MIPOL1: variants seen among roughly 807,000 people sequenced by gnomAD.
MIPOL1 encodes the protein mirror-image polydactyly gene 1 protein.
A neutral mutation model predicts 60.9 loss-of-function variants in MIPOL1; 57 were observed. The observed-to-expected ratio is 0.94, with a 90% confidence interval of 0.76 to 1.17. The LOEUF (loss-of-function observed/expected upper bound fraction) is 1.17. Ranked by LOEUF, MIPOL1 falls within the 50% of genes most tolerant of loss-of-function variation. The pLI, the probability that MIPOL1 is intolerant of heterozygous loss-of-function variation, is 0.00. For missense variants in MIPOL1, 551 were observed against 511.6 expected (o/e 1.08, Z -0.74); for synonymous variants, 179 against 168.8 (o/e 1.06, Z -0.47).
chr14:37,522,855 T>C (rs969893260), intron 12 of MIPOL1, among the ~76,000 whole-genome samples: 3 of 152,118 alleles, frequency 2.0e-5, no homozygotes, highest in Admixed American at 6.5e-5. Context: ...CAAGTAGTTA[T>C]TCTGGAGAGC....
intron 7 of MIPOL1, among the ~76,000 whole-genome samples, chr14:37,302,141 G>A (rs12894068): frequency 0.3 from 44,338 of 147,050 alleles, 6,920 homozygotes; most frequent in East Asian, 0.47. Context: ...TGAATCATAA[G>A]TTAAATCTAT....
intron 7 of MIPOL1, among the ~76,000 whole-genome samples, chr14:37,293,616 T>A (rs992563123): frequency 4.6e-5 from 7 of 152,072 alleles, no homozygotes; most frequent in Non-Finnish European, 1.0e-4. Context: ...ACCCTAATAC[T>A]ACGCTTTTCC....
chr14:37,528,158 G>A (rs2095458925), intron 12 of MIPOL1, among the ~76,000 whole-genome samples: 1 of 151,864 alleles, frequency 6.6e-6, no homozygotes, highest in Non-Finnish European at 1.5e-5. Context: ...TTTAGAAAAA[G>A]TTTAAAATAT....
chr14:37,264,714 G>A (rs867697757), intron 3 of MIPOL1, among the ~76,000 whole-genome samples: 107 of 152,140 alleles, frequency 7.0e-4, no homozygotes, highest in African/African-American at 2.5e-3. Context: ...TCTAGGTAAA[G>A]GGCATACAGT....
At chr14:37,206,286 C>T (rs1217374696) in intron 1 of MIPOL1, among the ~76,000 whole-genome samples, 1 of 152,214 alleles carries the variant, frequency 6.6e-6, no homozygotes, top group Non-Finnish European at 1.5e-5. Context: ...ATGTAGAGCT[C>T]AGGCCATGGC....
chr14:37,266,629 T>G (rs2082893801), intron 3 of MIPOL1, among the ~76,000 whole-genome samples: 1 of 152,162 alleles, frequency 6.6e-6, no homozygotes, highest in Non-Finnish European at 1.5e-5. Context: ...GTTTATGAAG[T>G]GCCATATTTC....
At chr14:37,209,528 C>T (rs1027794702) in intron 1 of MIPOL1, among the ~76,000 whole-genome samples, 3 of 152,006 alleles carry the variant, frequency 2.0e-5, no homozygotes, top group Non-Finnish European at 4.4e-5. Flanking sequence ...GGCATGGTGG[C>T]GCTCGCCTGT....
intron 2 of MIPOL1, 21 bp from the exon 3 acceptor site, chr14:37,247,808 C>T: frequency 7.1e-7 from 1 of 1,401,262 alleles, no homozygotes; most frequent in Non-Finnish European, 1.0e-6. Context: ...GTTTATTTAT[C>T]TAGAGTTGGC....
At chr14:37,424,124 G>A (rs2093922008) in intron 11 of MIPOL1, among the ~76,000 whole-genome samples, 1 of 152,114 alleles carries the variant, frequency 6.6e-6, no homozygotes, top group South Asian at 2.1e-4. Flanking sequence ...CCCAAGTTAA[G>A]CACTCCTGCT....
intron 7 of MIPOL1, among the ~76,000 whole-genome samples, chr14:37,298,443 T>G (rs2085998262): frequency 6.6e-6 from 1 of 152,048 alleles, no homozygotes. Flanking sequence ...AAGCCAAAAT[T>G]GACAAATGGG....
chr14:37,372,851 A>G (rs2092678395), intron 10 of MIPOL1, among the ~76,000 whole-genome samples: 1 of 152,102 alleles, frequency 6.6e-6, no homozygotes, highest in Admixed American at 6.6e-5. Context: ...TGGTATCTAT[A>G]GGATAAGGGA....
At chr14:37,442,552 T>C (rs896082857) in intron 11 of MIPOL1, among the ~76,000 whole-genome samples, 7 of 152,236 alleles carry the variant, frequency 4.6e-5, no homozygotes, top group Admixed American at 6.5e-5. Flanking sequence ...CTTTGATGCC[T>C]AGTTTGTTAA....
intron 7 of MIPOL1, among the ~76,000 whole-genome samples, chr14:37,292,976 G>A (rs2085243667): frequency 6.6e-6 from 1 of 152,096 alleles, no homozygotes; most frequent in Non-Finnish European, 1.5e-5. Context: ...TTGGTGCCAA[G>A]CATTAAGGGT....
chr14:37,515,192 A>G (rs1477067651), intron 12 of MIPOL1, among the ~76,000 whole-genome samples: 2 of 152,240 alleles, frequency 1.3e-5, no homozygotes, highest in East Asian at 3.9e-4. Flanking sequence ...ACAATATTGA[A>G]TATAATTACA....
At chr14:37,215,202 C>T (rs1967418551) in intron 1 of MIPOL1, among the ~76,000 whole-genome samples, 1 of 152,088 alleles carries the variant, frequency 6.6e-6, no homozygotes, top group Non-Finnish European at 1.5e-5. Flanking sequence ...GACACGTGAC[C>T]AATGTGACCT....
At chr14:37,379,656 A>G (rs1173135838) in intron 10 of MIPOL1, among the ~76,000 whole-genome samples, 1 of 152,140 alleles carries the variant, frequency 6.6e-6, no homozygotes, top group Non-Finnish European at 1.5e-5. Flanking sequence ...AAAGTATCAG[A>G]ACAGGCATAT....
intron 6 of MIPOL1, chr14:37,276,709 T>C (rs2153399367): frequency 6.6e-6 from 1 of 151,314 alleles, no homozygotes; most frequent in South Asian, 2.1e-4. Context: ...ATCAATAAAA[T>C]GTGATAGCCT....
rs113039427 is a variant in MIPOL1 at position 37,517,694 on chromosome 14, A to G, written c.1262+17556A>G. Among the ~76,000 whole-genome samples the G allele has an allele frequency of 6.0e-4, 92 of 152,330 alleles. No homozygotes were observed. The Middle Eastern group carries it at 0.031, about 51-fold the overall frequency. On this transcript the variant is annotated intron_variant, in intron 12 of 12. Coordinates refer to ENST00000684589, the MANE Select transcript of MIPOL1 (RefSeq NM_001388067.1). ...TAGTGTAATACAATGCAACTGTAAA[A>G]AAGAATAAGGACGATATCTATAAAC...
At chr14:37,431,727 C>T (rs1344749623) in intron 11 of MIPOL1, among the ~76,000 whole-genome samples, 4 of 150,900 alleles carry the variant, frequency 2.7e-5, no homozygotes, top group East Asian at 2.0e-4. Context: ...TACAGGCACC[C>T]GCCACCATGC....
Sources: gnomAD v4.1 joint callset for allele counts (sites outside exome capture counted in the v4.1 genomes callset) on GRCh38, gnomAD v4.1.1 for gene constraint, MANE v1.5 for transcripts, NCBI Gene and HGNC (gene_info 2026-07-23, HGNC 2026-07-21) for gene names.